Variants in SEC14L6 observed in about 807,000 individuals in gnomAD.
SEC14L6 encodes the protein SEC14-like protein 6.
A neutral mutation model predicts 54.1 loss-of-function variants in SEC14L6; 40 were observed. That is an observed-to-expected ratio of 0.74 (90% CI 0.57 to 0.96). The LOEUF is 0.96. Among genes scored for constraint, SEC14L6 ranks in the 40% least tolerant of loss-of-function variants. The pLI is 0.00. For missense variants in SEC14L6, 471 were observed against 498.3 expected (o/e 0.95, Z 0.52); for synonymous variants, 171 against 198.4 (o/e 0.86, Z 1.16).
At chr22:30,542,067 G>C (rs932993724) in intron 1 of SEC14L6, among the ~76,000 whole-genome samples, 5 of 152,276 alleles carry the variant, frequency 3.3e-5, no homozygotes, top group African/African-American at 1.2e-4. Flanking sequence ...CGGTGGGCGG[G>C]GACGCCCGGC....
intron 8 of SEC14L6, among the ~76,000 whole-genome samples, chr22:30,527,692 G>A (rs2146245150): frequency 6.9e-6 from 1 of 145,068 alleles, no homozygotes. Flanking sequence ...TCCAGCCTGG[G>A]TGGCAGAGTG....
Position 30,525,434 on chromosome 22 carries a change from T to C in SEC14L6, c.997A>G (p.Met333Val). 1 of 1,614,124 alleles carries C rather than the reference T, an allele frequency of 6.2e-7. No homozygotes were observed. Among genetic ancestry groups the C allele is most frequent in the Non-Finnish European group, 8.5e-7 (1 of 1,180,012 alleles). ...CGCTGGCTGGGCAGCACCTCTGTCA[T>C]CTCCCTAGCCCTCTGCCGCTCCCCC... The part of the protein sequence containing the change: ...KMGERQRARE[M>V]TEVLPSQRYN... The change falls in exon 11 of 12, where the codon ATG (methionine) becomes GTG (valine). Residue 333 changes from methionine (M) to valine (V), a missense_variant. Coordinates refer to ENST00000402034, the MANE Select transcript of SEC14L6 (RefSeq NM_001193336.4).
rs375073961 is a variant in SEC14L6, at chr22:30,528,422, C to CTTTTTTTTTTTTTTT, written c.664+650_664+664dup. 1.0e-4 allele frequency among the ~76,000 whole-genome samples: 11 copies of CTTTTTTTTTTTTTTT among 105,520 alleles called. 1 individual carries two copies. The highest frequency in any genetic ancestry group is 3.2e-4 in the African/African-American group (8 of 25,098). The allele number at this position is 105,520 out of a possible 152,430, so 69.2% of individuals were successfully genotyped here. On this transcript the variant is annotated intron_variant, in intron 8 of 11. Coordinates refer to ENST00000402034, the MANE Select transcript of SEC14L6 (RefSeq NM_001193336.4). Reference sequence around the variant, plus strand: ...AGGCGTGAACCACCGCGCTCGGCCTCTTTTTTTTTTTTTTTTTTTGAGATA... The same window carrying CTTTTTTTTTTTTTTT: ...AGGCGTGAACCACCGCGCTCGGCCTCTTTTTTTTTTTTTTTTTTTTTTTTTTTTTTTTTTGAGATA...
chr22:30,534,575 C>A (rs1333002210), intron 2 of SEC14L6, among the ~76,000 whole-genome samples: 2 of 152,008 alleles, frequency 1.3e-5, no homozygotes, highest in Non-Finnish European at 2.9e-5. Flanking sequence ...CCACGCCTGG[C>A]TAATTTTTGT....
At chr22:30,528,422 C>CCTTTTTTTTTTTTTTT (rs773969166) in intron 8 of SEC14L6, among the ~76,000 whole-genome samples, 9 of 105,520 alleles carry the variant, frequency 8.5e-5, no homozygotes, top group African/African-American at 3.6e-4. Flanking sequence ...CGCTCGGCCT[C>CCTTTTTTTTTTTTTTT]TTTTTTTTTT....
intron 2 of SEC14L6, 121 bp from the exon 3 acceptor site, chr22:30,534,160 T>C: frequency 1.1e-6 from 1 of 894,134 alleles, no homozygotes; most frequent in Non-Finnish European, 1.7e-6. Flanking sequence ...CAGAGGGCCT[T>C]GTTCTTGACC....
chr22:30,532,688 C>T lies in SEC14L6; in HGVS notation c.260G>A (p.Gly87Asp), dbSNP rs755389496. The change falls in exon 5 of 12, where the codon GGC (glycine) becomes GAC (aspartate). Residue 87 changes from glycine (G) to aspartate (D), a missense_variant. By Grantham distance (94) the Gly-to-Asp change is moderately conservative. Coordinates refer to ENST00000402034, the MANE Select transcript of SEC14L6 (RefSeq NM_001193336.4). ...PEVVRLYNANGICGHDGEGSP... is the reference protein window; with the variant it reads ...PEVVRLYNANDICGHDGEGSP... ...GCCCTCACCGTCGTGGCCGCATATG[C>T]CGTTAGCGTTGTACAGCCTGACCAC... is the stretch of plus-strand genomic sequence containing the variant. The T allele has an allele frequency of 6.4e-7, 1 of 1,556,868 alleles. No individual in the cohort carries two copies. The highest frequency in any genetic ancestry group is 1.2e-5 in the South Asian group (1 of 84,988).
intron 1 of SEC14L6, among the ~76,000 whole-genome samples, chr22:30,542,356 A>C (rs913566203): frequency 6.6e-6 from 1 of 151,688 alleles, no homozygotes; most frequent in Non-Finnish European, 1.5e-5. Context: ...GCCTCTCGCC[A>C]GTGGGAAGCG....
intron 2 of SEC14L6, among the ~76,000 whole-genome samples, chr22:30,536,954 G>A (rs1342699593): frequency 6.7e-6 from 1 of 150,270 alleles, no homozygotes. Flanking sequence ...AGCCCAGGAG[G>A]CGGAGGTTAC....
At chr22:30,533,909 G>T in intron 3 of SEC14L6, 87 bp downstream of exon 3, 1 of 1,230,774 alleles carries the variant, frequency 8.1e-7, no homozygotes, top group Non-Finnish European at 1.2e-6. Context: ...ATGAATGAAT[G>T]GATGGATGAA....
At chr22:30,526,728 C>CATAA (rs375076464) in intron 8 of SEC14L6, among the ~76,000 whole-genome samples, 2 of 151,944 alleles carry the variant, frequency 1.3e-5, no homozygotes, top group African/African-American at 4.8e-5. Flanking sequence ...AACCCCATCT[C>CATAA]ATAAATAAAT....
Position 30,525,856 on chromosome 22 carries a change from G to T in SEC14L6, c.741C>A (p.Asp247Glu). 5 of 1,613,736 alleles carry T rather than the reference G, an allele frequency of 3.1e-6. No homozygotes were observed. In the South Asian group the frequency reaches 5.5e-5, roughly 18 times the overall value. Residue 247 changes from aspartate (D) to glutamate (E), a missense_variant, in exon 9 of 12, where the codon GAC becomes GAA. Transcript: ENST00000402034. ...LPVEFGGTMTDPDGNPKCLTK... is the reference protein window; with the variant it reads ...LPVEFGGTMTEPDGNPKCLTK... The stretch of plus-strand genomic sequence containing the variant: ...TCAGGCACTTGGGGTTGCCATCGGG[G>T]TCAGTCATGGTCCCCCCAAACTCCA...
At chr22:30,545,866 T>C (rs958480244) in intron 1 of SEC14L6, among the ~76,000 whole-genome samples, 5 of 152,054 alleles carry the variant, frequency 3.3e-5, no homozygotes, top group Admixed American at 2.0e-4. Context: ...AGTCTTGCTC[T>C]GTCTCCCAGG....
intron 2 of SEC14L6, 75 bp from the exon 3 acceptor site, chr22:30,534,114 G>A: frequency 1.4e-6 from 2 of 1,418,896 alleles, no homozygotes; most frequent in East Asian, 2.5e-5. Flanking sequence ...CAACGGCCCT[G>A]CCCCACCCTC....
intron 1 of SEC14L6, chr22:30,543,710 CCTTG>C: frequency 6.2e-7 from 1 of 1,607,190 alleles, no homozygotes; most frequent in African/African-American, 1.3e-5. Context: ...GTGGTGTGCA[CCTTG>C]CTGGTGGCCC....
intron 8 of SEC14L6, among the ~76,000 whole-genome samples, chr22:30,528,200 G>A (rs1291553382): frequency 7.1e-6 from 1 of 141,642 alleles, no homozygotes; most frequent in Non-Finnish European, 1.5e-5. Flanking sequence ...TCAGCTCACT[G>A]CAACCTCCGC....
intron 1 of SEC14L6, chr22:30,543,123 C>T (rs2085754426): frequency 6.2e-7 from 1 of 1,603,574 alleles, no homozygotes; most frequent in Non-Finnish European, 8.5e-7. Flanking sequence ...TGAAATGGTT[C>T]AAAAATGGGA....
chr22:30,525,497 C>T lies in SEC14L6; in HGVS notation c.934G>A (p.Gly312Arg). Residue 312 changes from glycine (G) to arginine (R), a missense_variant, in exon 11 of 12, where the codon GGG becomes AGG. Gly to Arg is a moderately radical substitution (Grantham distance 125). Transcript: ENST00000402034. ...AGGAAAACCCCAAAGCCAATGTCCC[C>T]ACCATCTGAAGCAAACTGCCACCTG... ...VLRWQFASDG[G>R]DIGFGVFLKT... 6.2e-7 allele frequency: 1 copy of T among 1,614,156 alleles called. No individual in the cohort carries two copies. The highest frequency in any genetic ancestry group is 8.5e-7 in the Non-Finnish European group (1 of 1,179,990).
chr22:30,533,060 T>G, intron 3 of SEC14L6: 1 of 985,332 alleles, frequency 1.0e-6, no homozygotes, highest in African/African-American at 1.7e-5. Context: ...AGGAGAGACC[T>G]AGAAAGGGAC....
Sources: gnomAD v4.1 joint callset for allele counts (sites outside exome capture counted in the v4.1 genomes callset) on GRCh38, gnomAD v4.1.1 for gene constraint, MANE v1.5 for transcripts, NCBI Gene and HGNC (gene_info 2026-07-23, HGNC 2026-07-21) for gene names.